COL17A1: variants seen among roughly 807,000 people sequenced by gnomAD.
COL17A1 encodes the protein collagen type XVII alpha 1 chain, also known as collagen alpha-1(XVII) chain.
A neutral mutation model predicts 218.4 loss-of-function variants in COL17A1; 181 were observed. The observed-to-expected ratio is 0.83, with a 90% CI of 0.73 to 0.94. The LOEUF (loss-of-function observed/expected upper bound fraction) is 0.94. COL17A1 is among the 40% of genes least tolerant of loss of function. The pLI is 0.00. For missense variants in COL17A1, 1,924 were observed against 1,945.9 expected (o/e 0.99, Z 0.21); for synonymous variants, 721 against 731.0 (o/e 0.99, Z 0.22).
In COL17A1 at chr10:104,057,524, G is replaced by C. The variant is rs1033661785; in HGVS notation, c.1268-352C>G. On this transcript the variant is annotated intron_variant, in intron 16 of 55. Transcript: ENST00000648076. ...AGTAGAGGAGTTAGCAGCACAGCAC[G>C]AGGCTTAAACATCTTTATTTTGAAT... 2.5e-5 allele frequency among the ~76,000 whole-genome samples: 3 copies of C among 120,314 alleles called. No individual in the cohort carries two copies. The South Asian group carries it at 8.8e-4, about 35-fold the overall frequency. The allele number at this position is 120,314 out of a possible 152,430, so 78.9% of individuals were successfully genotyped here.
In COL17A1 at chr10:104,049,507, G is replaced by A. The variant is rs549765974; in HGVS notation, c.2165-36C>T. On this transcript the variant is annotated intron_variant, in intron 28 of 55. Coordinates refer to ENST00000648076, the MANE Select transcript of COL17A1 (RefSeq NM_000494.4). Reference sequence around the variant, plus strand: ...CAAAGAACTAGCTGGTTGGACACTTGCAAGCTGTGTATGCTTTAACAATGG... The same window carrying A: ...CAAAGAACTAGCTGGTTGGACACTTACAAGCTGTGTATGCTTTAACAATGG... The A allele has an allele frequency of 7.8e-5, 126 of 1,606,534 alleles. No homozygotes were observed. The South Asian group carries it at 1.3e-3, about 17-fold the overall frequency.
chr10:104,053,692 T>A (rs1444550971), intron 22 of COL17A1, among the ~76,000 whole-genome samples: 1 of 152,080 alleles, frequency 6.6e-6, no homozygotes. Context: ...TCCTTTCCCA[T>A]GTCGTGCATC....
At chr10:104,063,471 G>A (rs538461496) in intron 11 of COL17A1, 4 of 488,006 alleles carry the variant, frequency 8.2e-6, no homozygotes, top group East Asian at 4.0e-5. Context: ...CGATGATTCC[G>A]TTAGACCCTT....
intron 15 of COL17A1, among the ~76,000 whole-genome samples, chr10:104,058,421 C>A (rs1203263860): frequency 6.6e-6 from 1 of 152,214 alleles, no homozygotes; most frequent in Non-Finnish European, 1.5e-5. Flanking sequence ...TGTTTTAATT[C>A]TCTTATGACC....
At chr10:104,044,582 C>G (rs116323715) in intron 33 of COL17A1, among the ~76,000 whole-genome samples, 3,957 of 152,224 alleles carry the variant, frequency 0.026, 157 homozygotes, top group African/African-American at 0.09. Context: ...GACTATTGCT[C>G]TCTCCCCTAA....
chr10:104,047,791 C>T lies in COL17A1; in HGVS notation c.2283G>A (p.Gly761=). The T allele has an allele frequency of 6.2e-7, 1 of 1,614,150 alleles. No homozygotes were observed. Residue 761 remains glycine (G), a synonymous_variant, in exon 31 of 56, where the codon GGG becomes GGA. Coordinates refer to ENST00000648076, the MANE Select transcript of COL17A1 (RefSeq NM_000494.4). ...CTGGTGGGCCACGGATTCCAGGCATCCCAGTAAGACCTTGTTCACCTAGAG... is the reference window on the plus strand; with the variant it reads ...CTGGTGGGCCACGGATTCCAGGCATTCCAGTAAGACCTTGTTCACCTAGAG... ...QGPRGEQGLT[G]MPGIRGPPGP...
rs1589555864 is a variant in COL17A1 at position 104,035,501 on chromosome 10, A to G, written c.3481T>C (p.Tyr1161His). 6.2e-7 allele frequency: 1 copy of G among 1,614,060 alleles called. No homozygotes were observed. The highest frequency in any genetic ancestry group is 8.5e-7 in the Non-Finnish European group (1 of 1,179,974). ...PGPPGLPGTS[Y>H]EELLSLLRGS... ...CGCAGCAAGGAGAGGAGCTCCTCAT[A>G]GGAGGTTCCCGGCAAGCCAGGGGGC... The change falls in exon 49 of 56, where the codon TAT (tyrosine) becomes CAT (histidine). Residue 1161 changes from tyrosine (Y) to histidine (H), a missense_variant. Transcript: ENST00000648076.
At chr10:104,036,295 G>A (rs144126597) in intron 48 of COL17A1, among the ~76,000 whole-genome samples, 197 bp downstream of exon 48, 92 of 136,670 alleles carry the variant, frequency 6.7e-4, no homozygotes, top group Middle Eastern at 3.8e-3. Context: ...TGAGACCCCC[G>A]TTTTGGCTTT....
In COL17A1 at chr10:104,041,616, A is replaced by T. The variant is rs75990351; in HGVS notation, c.2552-78T>A. 7,331 of 1,301,398 alleles carry T rather than the reference A, an allele frequency of 5.6e-3. 305 individuals are homozygous for T. In the African/African-American group the frequency reaches 0.093, roughly 17 times the overall value. The allele number at this position is 1,301,398 out of a possible 1,614,324, so 80.6% of individuals were successfully genotyped here. A position where few individuals can be genotyped will look rare whatever the true frequency, so the allele number is the denominator to read the frequency against. ...TGCCACACTTCTCACCTCTCACTGG[A>T]TCTGCAGTTCCAGGCACTCCAGGCT... On this transcript the variant is annotated intron_variant, in intron 36 of 55. Transcript: ENST00000648076.
Position 104,053,933 on chromosome 10 carries a change from T to C in COL17A1, c.1821A>G (p.Gln607=), listed in dbSNP as rs2086494525. 1 of 1,598,246 alleles carries C rather than the reference T, an allele frequency of 6.3e-7. No homozygotes were observed. Among genetic ancestry groups the C allele is most frequent in the African/African-American group, 1.3e-5 (1 of 74,720 alleles). ...TGTGTTTCTTACCCACGCTGCCTTT[T>C]TGACCCTTTGGTCCTTGTGGACCTG... ...GHPGPQGPKG[Q]KGSVGDPGME... is the part of the protein sequence containing the mutation. Residue 607 remains glutamine (Q), a synonymous_variant, in exon 22 of 56, where the codon CAA becomes CAG. Transcript: ENST00000648076.
chr10:104,035,664 C>G, intron 48 of COL17A1, 101 bp from the exon 49 acceptor site: 1 of 929,424 alleles, frequency 1.1e-6, no homozygotes, highest in South Asian at 1.6e-5. Context: ...AAGTGGGGTC[C>G]AAGAAAGAAA....
rs766364403 is a variant in COL17A1 at position 104,061,432 on chromosome 10, C to T, written c.952G>A (p.Val318Met). 1 of 1,613,750 alleles carries T rather than the reference C, an allele frequency of 6.2e-7. No individual in the cohort carries two copies. The highest frequency in any genetic ancestry group is 8.5e-7 in the Non-Finnish European group (1 of 1,179,952). The change falls in exon 13 of 56, where the codon GTG (valine) becomes ATG (methionine). Residue 318 changes from valine (V) to methionine (M), a missense_variant. Val to Met is a conservative substitution (Grantham distance 21). Transcript: ENST00000648076. ...KKNMPQSPAA[V>M]NTGVSTSAAC... The stretch of plus-strand genomic sequence containing the variant: ...GCGGAGGTGGAAACGCCAGTGTTCA[C>T]AGCCGCAGGACTCTGGGGCATGTTT...
At chr10:104,038,583 A>T in intron 44 of COL17A1, 55 bp from the exon 45 acceptor site, 2 of 1,600,396 alleles carry the variant, frequency 1.2e-6, no homozygotes, top group East Asian at 4.5e-5. Context: ...GGTCAGACAA[A>T]CGGGCCCAGG....
rs59808906 is a variant in COL17A1, at chr10:104,038,231, TACACACACACAC to T, written c.3070+163_3070+174del. On this transcript the variant is annotated intron_variant, in intron 45 of 55. Coordinates refer to ENST00000648076, the MANE Select transcript of COL17A1 (RefSeq NM_000494.4). ...CTGGGCCTGGACACATAGACACACA[TACACACACACAC>T]ACACACACACACACACACACACACA... 0.037 allele frequency among the ~76,000 whole-genome samples: 5,272 copies of T among 142,046 alleles called. 266 individuals carry two copies. Among genetic ancestry groups the T allele is most frequent in the African/African-American group, 0.12 (4,702 of 38,040 alleles). The allele number at this position is 142,046 out of a possible 152,430, so 93.2% of individuals were successfully genotyped here.
Position 104,033,292 on chromosome 10 carries a change from T to C in COL17A1, c.4240A>G (p.Lys1414Glu), listed in dbSNP as rs1484333916. ...PGPQGPPGIS[K>E]VFSAYSNVTA... ...ACGTTGCTGTAGGCAGAGAAGACCT[T>C]GCTGATGCCGGGTGGCCCCTGTGGC... is the stretch of plus-strand genomic sequence containing the variant. The change falls in exon 53 of 56, where the codon AAG (lysine) becomes GAG (glutamate). Residue 1414 changes from lysine (K) to glutamate (E), a missense_variant. By Grantham distance (56) the Lys-to-Glu change is moderately conservative. Transcript: ENST00000648076. 9 of 1,601,370 alleles carry C rather than the reference T, an allele frequency of 5.6e-6. No homozygotes were observed. The highest frequency in any genetic ancestry group is 1.1e-5 in the South Asian group (1 of 88,502).
At chr10:104,046,624 G>A (rs144556796) in intron 32 of COL17A1, 123 bp downstream of exon 32, 4 of 894,608 alleles carry the variant, frequency 4.5e-6, no homozygotes, top group Non-Finnish European at 5.6e-6. Context: ...TAGTGAAAGG[G>A]AGTGTGTGCC....
chr10:104,042,607 C>CG (rs1564674475), intron 35 of COL17A1, 152 bp from the exon 36 acceptor site: 4 of 783,354 alleles, frequency 5.1e-6, no homozygotes, highest in Admixed American at 2.0e-5. Context: ...ATCAGCCCTG[C>CG]GGTCCAGTTG....
intron 17 of COL17A1, among the ~76,000 whole-genome samples, chr10:104,056,434 T>C (rs955771590): frequency 2.0e-5 from 3 of 151,886 alleles, no homozygotes; most frequent in African/African-American, 7.3e-5. Context: ...TACAAAAAAT[T>C]AGCCAGGTGT....
intron 33 of COL17A1, 131 bp downstream of exon 33, chr10:104,045,627 C>T: frequency 1.2e-6 from 1 of 826,056 alleles, no homozygotes; most frequent in Non-Finnish European, 2.1e-6. Context: ...GCCTCATAGC[C>T]CTCTGCTAGA....
Sources: allele counts gnomAD v4.1 joint callset (sites outside exome capture counted in the v4.1 genomes callset), GRCh38; gene constraint gnomAD v4.1.1; transcripts MANE v1.5; gene names NCBI Gene and HGNC (gene_info 2026-07-23, HGNC 2026-07-21).